The following COL15A1 variants were observed in gnomAD, a reference collection of about 807,000 sequenced individuals.
The protein encoded by COL15A1 is collagen alpha-1(XV) chain.
In COL15A1, 111 loss-of-function variants were observed where a neutral mutation model predicts 165.9. The ratio of observed to expected loss-of-function variants is 0.67; its 90% CI spans 0.57 to 0.78. The LOEUF is 0.78. Among genes scored for constraint, COL15A1 ranks in the 30% least tolerant of loss-of-function variants. The probability of loss-of-function intolerance (pLI) is 0.00; values close to 1 mark genes in which losing one functional copy is unlikely to be tolerated. For missense variants in COL15A1, 1,745 were observed against 1,789.7 expected (o/e 0.98, Z 0.45); for synonymous variants, 659 against 674.8 (o/e 0.98, Z 0.36).
At chr9:98,998,437 T>C (rs2118929716) in intron 6 of COL15A1, among the ~76,000 whole-genome samples, 1 of 152,178 alleles carries the variant, frequency 6.6e-6, no homozygotes, top group Admixed American at 6.5e-5. Flanking sequence ...GGAGGCAGGG[T>C]GTTGCTGTGG....
intron 2 of COL15A1, among the ~76,000 whole-genome samples, chr9:98,974,758 C>A (rs972137345): frequency 1.1e-4 from 16 of 152,214 alleles, no homozygotes; most frequent in Non-Finnish European, 1.6e-4. Context: ...AGTGGGAATA[C>A]ACCCACCCGC....
intron 31 of COL15A1, 76 bp downstream of exon 31, chr9:99,052,509 A>ACT: frequency 8.2e-7 from 1 of 1,218,292 alleles, no homozygotes; most frequent in Non-Finnish European, 1.2e-6. Flanking sequence ...TGCCCAGTGC[A>ACT]GGGCGCAGAC....
intron 11 of COL15A1, among the ~76,000 whole-genome samples, chr9:99,018,751 A>T (rs1465039022): frequency 2.0e-5 from 3 of 152,252 alleles, no homozygotes; most frequent in Non-Finnish European, 4.4e-5. Context: ...GTTAAGTGAA[A>T]GAAGCTGGTT....
intron 15 of COL15A1, 69 bp from the exon 16 acceptor site, chr9:99,025,835 T>C: frequency 2.0e-6 from 3 of 1,538,336 alleles, no homozygotes; most frequent in Non-Finnish European, 2.7e-6. Flanking sequence ...TGCCCTCCTT[T>C]TCTAGCAAGC....
At chr9:99,034,451 T>TC in intron 16 of COL15A1, 98 bp from the exon 17 acceptor site, 1 of 1,486,016 alleles carries the variant, frequency 6.7e-7, no homozygotes, top group Non-Finnish European at 9.0e-7. Flanking sequence ...TATTTTAATA[T>TC]CCTATTTCCT....
intron 2 of COL15A1, among the ~76,000 whole-genome samples, chr9:98,956,619 A>G (rs1157767568): frequency 2.0e-5 from 3 of 152,220 alleles, no homozygotes; most frequent in African/African-American, 7.2e-5. Flanking sequence ...ACTTGACATC[A>G]GCACACAGGT....
At position 99,000,677 on chromosome 9, in the gene COL15A1, A is replaced by G. The variant is rs369871855; in HGVS notation, c.953-162A>G. ...CCAGAGCCTGGAATGGAAACCACACATGCTTTGCCATGTATGTTGTTCTGC... is the reference window on the plus strand; with the variant it reads ...CCAGAGCCTGGAATGGAAACCACACGTGCTTTGCCATGTATGTTGTTCTGC... On this transcript the variant is annotated intron_variant, in intron 6 of 41. Coordinates refer to ENST00000375001, the MANE Select transcript of COL15A1 (RefSeq NM_001855.5). 3.9e-5 allele frequency among the ~76,000 whole-genome samples: 6 copies of G among 152,338 alleles called. No individual in the cohort carries two copies. The South Asian group carries it at 1.2e-3, about 32-fold the overall frequency.
intron 9 of COL15A1, among the ~76,000 whole-genome samples, chr9:99,006,676 C>T (rs1313540768): frequency 6.6e-6 from 1 of 152,212 alleles, no homozygotes; most frequent in African/African-American, 2.4e-5. Flanking sequence ...TTCTTCTCCA[C>T]CTCCCCTCCC....
chr9:99,050,424 G>A (rs1317494225), intron 30 of COL15A1, among the ~76,000 whole-genome samples: 1 of 152,224 alleles, frequency 6.6e-6, no homozygotes, highest in Non-Finnish European at 1.5e-5. Flanking sequence ...ACTTGACTGA[G>A]CTGGGATCAT....
intron 32 of COL15A1, 114 bp downstream of exon 32, chr9:99,054,770 A>G (rs921864288): frequency 2.6e-6 from 3 of 1,172,282 alleles, no homozygotes; most frequent in African/African-American, 3.1e-5. Context: ...CACCCTGACC[A>G]CAGGCTCCAC....
intron 2 of COL15A1, among the ~76,000 whole-genome samples, chr9:98,973,353 T>C (rs1838092681): frequency 6.6e-6 from 1 of 152,002 alleles, no homozygotes; most frequent in Admixed American, 6.6e-5. Flanking sequence ...GAAGGAGGCG[T>C]TCTAAGTTTA....
intron 19 of COL15A1, 91 bp downstream of exon 19, chr9:99,035,509 T>C: frequency 6.6e-7 from 1 of 1,513,752 alleles, no homozygotes; most frequent in Admixed American, 1.7e-5. Context: ...CTCTGCCACT[T>C]TCAATAACTC....
chr9:98,950,930 C>T (rs965896520), intron 2 of COL15A1, among the ~76,000 whole-genome samples: 3 of 152,232 alleles, frequency 2.0e-5, no homozygotes, highest in East Asian at 1.9e-4. Context: ...TGACAAATGA[C>T]GTTGCGCATT....
At chr9:99,068,362 G>A (rs1825929770) in intron 40 of COL15A1, among the ~76,000 whole-genome samples, 193 bp from the exon 41 acceptor site, 1 of 151,858 alleles carries the variant, frequency 6.6e-6, no homozygotes, top group Non-Finnish European at 1.5e-5. Flanking sequence ...CTACTCGGGA[G>A]GCTGAGGCAG....
intron 41 of COL15A1, among the ~76,000 whole-genome samples, chr9:99,069,013 A>G (rs115926721): frequency 1.5e-3 from 231 of 152,346 alleles, no homozygotes; most frequent in African/African-American, 5.3e-3. Context: ...GTGGTAAGCA[A>G]TGCAACTCCT....
intron 2 of COL15A1, among the ~76,000 whole-genome samples, chr9:98,983,551 A>G (rs1838263387): frequency 6.6e-6 from 1 of 152,178 alleles, no homozygotes; most frequent in African/African-American, 2.4e-5. Context: ...GGACTGAGTA[A>G]AACTATGCAT....
At chr9:99,026,815 G>T (rs1398667975) in intron 16 of COL15A1, among the ~76,000 whole-genome samples, 1 of 152,148 alleles carries the variant, frequency 6.6e-6, no homozygotes, top group African/African-American at 2.4e-5. Context: ...AAGTTCCCAT[G>T]CTATTGAGAA....
intron 2 of COL15A1, among the ~76,000 whole-genome samples, chr9:98,961,330 T>C (rs1182026379): frequency 6.6e-6 from 1 of 152,040 alleles, no homozygotes; most frequent in Non-Finnish European, 1.5e-5. Flanking sequence ...TTATAAATGG[T>C]AGAAAATGTT....
chr9:99,050,939 G>C (rs11789382), intron 30 of COL15A1, among the ~76,000 whole-genome samples: 2,939 of 152,356 alleles, frequency 0.019, 34 homozygotes, highest in Non-Finnish European at 0.03. Context: ...CTCTGGCCTA[G>C]AGGGCAGGAC....
Sources: gnomAD v4.1 joint callset for allele counts (sites outside exome capture counted in the v4.1 genomes callset) on GRCh38, gnomAD v4.1.1 for gene constraint, MANE v1.5 for transcripts, NCBI Gene and HGNC (gene_info 2026-07-23, HGNC 2026-07-21) for gene names.